The following GMDS variants were observed in gnomAD, a reference collection of about 807,000 sequenced individuals.
The protein encoded by GMDS is GDP-mannose 4,6-dehydratase, also known as GDP-mannose 4,6 dehydratase.
In GMDS, 20 loss-of-function variants were observed where a neutral mutation model predicts 49.9. The observed-to-expected ratio is 0.40, with a 90% CI of 0.28 to 0.58. GMDS has a LOEUF of 0.58. Among genes scored for constraint, GMDS ranks in the 20% least tolerant of loss-of-function variants. The pLI, the probability that GMDS is intolerant of heterozygous loss-of-function variation, is 0.42. For missense variants in GMDS, 362 were observed against 481.4 expected, an observed-to-expected ratio of 0.75 and a Z score of 2.32; for synonymous variants, 177 against 178.6, an observed-to-expected ratio of 0.99 and a Z score of 0.07.
In GMDS at chr6:1,742,569, C is replaced by G; in HGVS notation, c.789G>C (p.Leu263Phe). The change falls in exon 8 of 11, where the codon TTG becomes TTC. Residue 263 changes from leucine (L) to phenylalanine (F), a missense_variant. Physicochemically the swap from Leu to Phe is conservative, Grantham distance 22 (BLOSUM62 0). Transcript: ENST00000380815. ...CGAAGTCCTCCGGCTCATCATTCTG[C>G]AACATCAACCACATAGCCTAGAGGG... is the stretch of plus-strand genomic sequence containing the variant. ...KDYVEAMWLM[L>F]QNDEPEDFVI... 1 of 1,592,940 alleles carries G rather than the reference C, an allele frequency of 6.3e-7. No individual in the cohort carries two copies.
At chr6:1,865,849 G>A (rs1455630697) in intron 7 of GMDS, among the ~76,000 whole-genome samples, 1 of 151,944 alleles carries the variant, frequency 6.6e-6, no homozygotes, top group South Asian at 2.1e-4. Flanking sequence ...TCCGTGCACA[G>A]CCCCAAGAAA....
At chr6:1,907,013 G>C (rs558371097) in intron 7 of GMDS, among the ~76,000 whole-genome samples, 1 of 152,174 alleles carries the variant, frequency 6.6e-6, no homozygotes, top group African/African-American at 2.4e-5. Flanking sequence ...TGAGAACTCA[G>C]ATGCACTGCA....
Position 1,686,660 on chromosome 6 carries a change from T to C in GMDS, c.987+39756A>G, listed in dbSNP as rs549931972. On this transcript the variant is annotated intron_variant, in intron 9 of 10. Coordinates refer to ENST00000380815, the MANE Select transcript of GMDS (RefSeq NM_001500.4). ...CATAAGCCATAATGGAATGTACTTA[T>C]ATGCAAACCATCTTTCCCTCTGAGT... 2.6e-5 allele frequency among the ~76,000 whole-genome samples: 4 copies of C among 152,366 alleles called. No homozygotes were observed. In the East Asian group the frequency reaches 5.8e-4, roughly 22 times the overall value.
intron 1 of GMDS, among the ~76,000 whole-genome samples, chr6:2,194,570 CTTT>C (rs1779202690): frequency 6.6e-6 from 1 of 152,262 alleles, no homozygotes; most frequent in East Asian, 1.9e-4. Flanking sequence ...TCTCTAATTT[CTTT>C]ATCATTATAA....
chr6:1,984,108 TAACAG>T (rs1021646470), intron 4 of GMDS, among the ~76,000 whole-genome samples: 1 of 152,126 alleles, frequency 6.6e-6, no homozygotes, highest in East Asian at 1.9e-4. Context: ...TTCAGCAAAC[TAACAG>T]AACAGAACAG....
At chr6:1,868,327 T>C (rs1758541825) in intron 7 of GMDS, among the ~76,000 whole-genome samples, 1 of 152,174 alleles carries the variant, frequency 6.6e-6, no homozygotes, top group African/African-American at 2.4e-5. Flanking sequence ...CTATGTTTCT[T>C]CACCAGTCTA....
At chr6:1,792,625 G>A (rs1211596717) in intron 7 of GMDS, among the ~76,000 whole-genome samples, 1 of 152,144 alleles carries the variant, frequency 6.6e-6, no homozygotes, top group Non-Finnish European at 1.5e-5. Context: ...TCTCAGAAAA[G>A]TACATGGAGG....
intron 7 of GMDS, among the ~76,000 whole-genome samples, chr6:1,841,549 C>T (rs1043692595): frequency 3.7e-4 from 56 of 152,214 alleles, no homozygotes; most frequent in African/African-American, 1.3e-3. Context: ...CTCAAATAAG[C>T]ATAATTGTTT....
chr6:1,960,117 G>A, intron 5 of GMDS, 146 bp from the exon 6 acceptor site: 2 of 510,924 alleles, frequency 3.9e-6, no homozygotes, highest in African/African-American at 2.0e-5. Flanking sequence ...ACGAAATAAA[G>A]GTTATTACAC....
chr6:1,624,310 A>T (rs1762777531), intron 10 of GMDS, 79 bp from the exon 11 acceptor site: 1 of 1,396,056 alleles, frequency 7.2e-7, no homozygotes, highest in Non-Finnish European at 1.0e-6. Flanking sequence ...TGTCGGCCCC[A>T]GAGAGGCCTC....
chr6:1,896,080 G>A (rs1190964438), intron 7 of GMDS, among the ~76,000 whole-genome samples: 2 of 152,104 alleles, frequency 1.3e-5, no homozygotes, highest in Admixed American at 6.5e-5. Context: ...AGCAGATTGG[G>A]GGAGCAGAGA....
intron 7 of GMDS, among the ~76,000 whole-genome samples, chr6:1,825,337 C>T (rs1771064153): frequency 6.6e-6 from 1 of 152,060 alleles, no homozygotes; most frequent in Non-Finnish European, 1.5e-5. Context: ...AAAAATGGAC[C>T]AAACCAAATG....
At chr6:1,671,050 G>A (rs1029167870) in intron 9 of GMDS, among the ~76,000 whole-genome samples, 1 of 152,064 alleles carries the variant, frequency 6.6e-6, no homozygotes, top group Non-Finnish European at 1.5e-5. Flanking sequence ...CGACTGTGGG[G>A]GCCTTCAGAA....
chr6:2,019,111 T>C (rs979211147), intron 4 of GMDS, among the ~76,000 whole-genome samples: 17 of 151,578 alleles, frequency 1.1e-4, no homozygotes, highest in African/African-American at 4.1e-4. Flanking sequence ...TATTGACCAC[T>C]GAGAGTGTAT....
intron 8 of GMDS, 149 bp from the exon 9 acceptor site, chr6:1,726,661 T>G: frequency 1.7e-6 from 1 of 599,340 alleles, no homozygotes; most frequent in South Asian, 2.1e-5. Context: ...CAGCTGATTA[T>G]TAAAGCAACG....
intron 7 of GMDS, among the ~76,000 whole-genome samples, chr6:1,751,099 C>T (rs1561780733): frequency 6.6e-6 from 1 of 152,218 alleles, no homozygotes; most frequent in Non-Finnish European, 1.5e-5. Flanking sequence ...AAACTCCCAT[C>T]TCCCTGGAAC....
chr6:2,139,762 C>G (rs1432655164), intron 1 of GMDS, among the ~76,000 whole-genome samples: 1 of 152,132 alleles, frequency 6.6e-6, no homozygotes, highest in Non-Finnish European at 1.5e-5. Flanking sequence ...AGAAGTTCAA[C>G]AACAGCACAG....
chr6:2,028,595 G>A (rs774351617), intron 4 of GMDS, among the ~76,000 whole-genome samples: 1 of 152,198 alleles, frequency 6.6e-6, no homozygotes, highest in Non-Finnish European at 1.5e-5. Flanking sequence ...GTCTTGTAAC[G>A]AAAGAGGAAG....
chr6:1,915,083 C>T (rs1223833700), intron 7 of GMDS, among the ~76,000 whole-genome samples: 8 of 152,218 alleles, frequency 5.3e-5, no homozygotes, highest in Non-Finnish European at 7.3e-5. Flanking sequence ...CCTTAGACCT[C>T]GAACCATCCA....
Sources: allele counts gnomAD v4.1 joint callset (sites outside exome capture counted in the v4.1 genomes callset), GRCh38; gene constraint gnomAD v4.1.1; transcripts MANE v1.5; gene names NCBI Gene and HGNC (gene_info 2026-07-23, HGNC 2026-07-21).